TLN2: variants seen among roughly 807,000 people sequenced by gnomAD.
The protein encoded by TLN2 is talin 2, also known as talin-2.
A neutral mutation model predicts 294.7 loss-of-function variants in TLN2; 118 were observed. The ratio of observed to expected loss-of-function variants is 0.40; its 90% CI spans 0.34 to 0.47. TLN2 has a LOEUF of 0.47. TLN2 is among the 20% of genes least tolerant of loss of function. The pLI is 0.84. For synonymous variants in TLN2, 1,431 were observed against 1,304.5 expected, an observed-to-expected ratio of 1.10 and a Z score of -2.09; for missense variants, 3,083 against 3,282.2, an observed-to-expected ratio of 0.94 and a Z score of 1.48.
At chr15:62,744,615 C>G (rs1181211583) in intron 32 of TLN2, among the ~76,000 whole-genome samples, 1 of 151,946 alleles carries the variant, frequency 6.6e-6, no homozygotes, top group African/African-American at 2.4e-5. Context: ...GGCGCGATCT[C>G]GGCTCACTGC....
At chr15:62,539,172 G>A (rs893042780) in intron 1 of TLN2, among the ~76,000 whole-genome samples, 1 of 152,188 alleles carries the variant, frequency 6.6e-6, no homozygotes, top group African/African-American at 2.4e-5. Context: ...ATTTTAGGGA[G>A]CTTAAGCAAT....
At chr15:62,825,906 G>A (rs532112031) in intron 54 of TLN2, among the ~76,000 whole-genome samples, 12 of 125,404 alleles carry the variant, frequency 9.6e-5, no homozygotes, top group African/African-American at 3.0e-4. Flanking sequence ...GGTGGTGCAC[G>A]CCTGTAGTCC....
intron 43 of TLN2, among the ~76,000 whole-genome samples, chr15:62,779,239 C>A (rs2141074355): frequency 6.6e-6 from 1 of 152,206 alleles, no homozygotes; most frequent in South Asian, 2.1e-4. Context: ...TTCCGGGTGA[C>A]CTTGGACAGG....
In TLN2 at chr15:62,528,670, CTTTTTTTTT is replaced by C. The variant is rs3055755; in HGVS notation, c.-237-61005_-237-60997del. Among the ~76,000 whole-genome samples the C allele has an allele frequency of 3.1e-5, 3 of 96,784 alleles. No individual in the cohort carries two copies. In the South Asian group the frequency reaches 1.1e-3, roughly 35 times the overall value. The allele number at this position is 96,784 out of a possible 152,430, so 63.5% of individuals were successfully genotyped here. A position where few individuals can be genotyped will look rare whatever the true frequency, so the allele number is the denominator to read the frequency against. The stretch of plus-strand genomic sequence containing the variant: ...CCTTCTTGAGTGTATCCAGAGCTTG[CTTTTTTTTT>C]TTTTTTTTTTTGGCATGTCTCAGGC... On this transcript the variant is annotated intron_variant, in intron 1 of 58. Transcript: ENST00000636159.
At chr15:62,428,596 C>T (rs1276073999) in intron 1 of TLN2, among the ~76,000 whole-genome samples, 1 of 152,172 alleles carries the variant, frequency 6.6e-6, no homozygotes, top group Non-Finnish European at 1.5e-5. Flanking sequence ...GTTTTGCTTT[C>T]CATATTCTCA....
At chr15:62,690,618 G>A (rs1162933768) in intron 12 of TLN2, among the ~76,000 whole-genome samples, 2 of 148,628 alleles carry the variant, frequency 1.3e-5, no homozygotes, top group Non-Finnish European at 2.9e-5. Flanking sequence ...GGTGGCGGCC[G>A]GGCAGAGGCT....
At chr15:62,466,168 G>T (rs1165979758) in intron 1 of TLN2, among the ~76,000 whole-genome samples, 1 of 152,172 alleles carries the variant, frequency 6.6e-6, no homozygotes, top group Non-Finnish European at 1.5e-5. Flanking sequence ...ATTAATGGTT[G>T]AACTCAGTCT....
chr15:62,640,983 G>A (rs992510101), intron 3 of TLN2, among the ~76,000 whole-genome samples: 3 of 151,720 alleles, frequency 2.0e-5, no homozygotes, highest in Admixed American at 6.6e-5. Context: ...TGTATTTTTG[G>A]TAGAGATGGG....
intron 27 of TLN2, 82 bp downstream of exon 27, chr15:62,725,186 A>T: frequency 6.6e-7 from 1 of 1,507,172 alleles, no homozygotes; most frequent in Non-Finnish European, 8.9e-7. Flanking sequence ...GGTGTTTGCT[A>T]AAGTTGCGGC....
chr15:62,573,337 C>T (rs947948534), intron 1 of TLN2, among the ~76,000 whole-genome samples: 1 of 152,084 alleles, frequency 6.6e-6, no homozygotes, highest in Non-Finnish European at 1.5e-5. Flanking sequence ...AGGTGTTGTG[C>T]CCCCCTCTGC....
chr15:62,434,412 T>C (rs2035182978), intron 1 of TLN2, among the ~76,000 whole-genome samples: 1 of 152,228 alleles, frequency 6.6e-6, no homozygotes. Flanking sequence ...CATTTCGTCT[T>C]TTAACTGGCT....
chr15:62,472,745 A>C (rs2037551688), intron 1 of TLN2, among the ~76,000 whole-genome samples: 1 of 152,192 alleles, frequency 6.6e-6, no homozygotes, highest in Non-Finnish European at 1.5e-5. Context: ...GAATTGAGAC[A>C]CACTGATCAT....
chr15:62,764,657 A>C (rs895229919), intron 40 of TLN2, among the ~76,000 whole-genome samples: 2 of 152,184 alleles, frequency 1.3e-5, no homozygotes, highest in African/African-American at 4.8e-5. Flanking sequence ...CAGCCAGATC[A>C]AGAAACAAAG....
intron 16 of TLN2, among the ~76,000 whole-genome samples, chr15:62,699,902 C>G (rs1388374576): frequency 6.6e-6 from 1 of 152,174 alleles, no homozygotes; most frequent in African/African-American, 2.4e-5. Flanking sequence ...ATTCTAATGG[C>G]CAGTCAGGGT....
At chr15:62,478,553 C>T (rs1162816096) in intron 1 of TLN2, among the ~76,000 whole-genome samples, 1 of 152,096 alleles carries the variant, frequency 6.6e-6, no homozygotes, top group Non-Finnish European at 1.5e-5. Flanking sequence ...CTCTGCCCAC[C>T]TCCGCCAGGC....
At chr15:62,763,528 T>C (rs927637208) in intron 39 of TLN2, 35 bp from the exon 40 acceptor site, 7 of 1,577,430 alleles carry the variant, frequency 4.4e-6, no homozygotes, top group Non-Finnish European at 1.7e-6. Context: ...TTGAGCCCCA[T>C]GGAGCCTGTG....
intron 32 of TLN2, among the ~76,000 whole-genome samples, chr15:62,744,972 G>A (rs72757703): frequency 0.025 from 3,788 of 150,538 alleles, 68 homozygotes; most frequent in Middle Eastern, 0.048. Flanking sequence ...ACAGATGTCT[G>A]CTGCTGCTTT....
At chr15:62,450,695 C>T (rs2036084769) in intron 1 of TLN2, among the ~76,000 whole-genome samples, 1 of 152,072 alleles carries the variant, frequency 6.6e-6, no homozygotes, top group African/African-American at 2.4e-5. Flanking sequence ...CTGCCTTAGC[C>T]TCCTGAGTAG....
intron 1 of TLN2, among the ~76,000 whole-genome samples, chr15:62,414,163 A>AATAT (rs1555404130): frequency 5.4e-5 from 2 of 37,368 alleles, no homozygotes; most frequent in East Asian, 3.1e-3. Flanking sequence ...AAAAAAAAAA[A>AATAT]CTATATATAT....
Sources: allele counts gnomAD v4.1 joint callset (sites outside exome capture counted in the v4.1 genomes callset), GRCh38; gene constraint gnomAD v4.1.1; transcripts MANE v1.5; gene names NCBI Gene and HGNC (gene_info 2026-07-23, HGNC 2026-07-21).